The following DNAH5 variants were observed in gnomAD, a reference collection of about 807,000 sequenced individuals.
DNAH5 encodes the protein dynein axonemal heavy chain 5.
Under a neutral mutation model 518.2 loss-of-function variants are expected in DNAH5, and 372 were observed. The observed-to-expected ratio is 0.72, with a 90% confidence interval of 0.66 to 0.78. DNAH5 has a LOEUF of 0.78. Among genes scored for constraint, DNAH5 ranks in the 30% least tolerant of loss-of-function variants. The pLI is 0.00. For synonymous variants in DNAH5, 2,039 were observed against 2,025.9 expected, an observed-to-expected ratio of 1.01 and a Z score of -0.17; for missense variants, 5,523 against 5,687.0, an observed-to-expected ratio of 0.97 and a Z score of 0.93.
At chr5:13,757,298 T>C (rs1751134123) in intron 61 of DNAH5, among the ~76,000 whole-genome samples, 1 of 152,242 alleles carries the variant, frequency 6.6e-6, no homozygotes, top group African/African-American at 2.4e-5. Context: ...ACCAGAATGG[T>C]TGAACTAACT....
chr5:14,005,033 G>A (rs1470308122), intron 1 of DNAH5, among the ~76,000 whole-genome samples: 1 of 152,048 alleles, frequency 6.6e-6, no homozygotes, highest in Non-Finnish European at 1.5e-5. Flanking sequence ...CTCAGCACAC[G>A]AGCCTCTTCA....
In DNAH5 at chr5:13,867,829, C is replaced by G; in HGVS notation, c.3998G>C (p.Ser1333Thr). Residue 1333 changes from serine to threonine, a missense_variant, in exon 25 of 79, where the codon AGT (serine) becomes ACT (threonine). By Grantham distance (58) the Ser-to-Thr change is moderately conservative. Coordinates refer to ENST00000265104, the MANE Select transcript of DNAH5 (RefSeq NM_001369.3). The stretch of plus-strand genomic sequence containing the variant: ...ATCTTGGAGGAATACCTCCACAGCA[C>G]TAATAAGCTCTTTCTTGAAACTGGG... ...LQPSFKKELISAVEVFLQDCH... is the reference protein window; with the variant it reads ...LQPSFKKELITAVEVFLQDCH... The G allele has an allele frequency of 6.2e-7, 1 of 1,614,082 alleles. No individual in the cohort carries two copies. The highest frequency in any genetic ancestry group is 8.5e-7 in the Non-Finnish European group (1 of 1,179,980).
At chr5:13,813,564 A>G (rs985795346) in intron 43 of DNAH5, among the ~76,000 whole-genome samples, 1 of 151,830 alleles carries the variant, frequency 6.6e-6, no homozygotes, top group Non-Finnish European at 1.5e-5. Context: ...ATTAGTGATT[A>G]CTTTTGCAAA....
chr5:13,701,011 C>A, intron 77 of DNAH5, 140 bp from the exon 78 acceptor site: 1 of 1,000,644 alleles, frequency 1.0e-6, no homozygotes, highest in Admixed American at 2.1e-5. Flanking sequence ...GCAAGATTCC[C>A]TCATTAAAAA....
intron 1 of DNAH5, among the ~76,000 whole-genome samples, chr5:13,979,595 G>A (rs1306683587): frequency 1.3e-5 from 2 of 152,040 alleles, no homozygotes; most frequent in Non-Finnish European, 2.9e-5. Flanking sequence ...TCTAAACAAT[G>A]GTTTCTATGA....
At chr5:13,780,483 T>G (rs1323084704) in intron 53 of DNAH5, among the ~76,000 whole-genome samples, 1 of 152,226 alleles carries the variant, frequency 6.6e-6, no homozygotes, top group Non-Finnish European at 1.5e-5. Flanking sequence ...TCTTCATCTA[T>G]TTTTCCATTG....
Position 13,776,459 on chromosome 5 carries a change from G to T in DNAH5, c.9353C>A (p.Pro3118His). 6.2e-7 allele frequency: 1 copy of T among 1,613,732 alleles called. No homozygotes were observed. The highest frequency in any genetic ancestry group is 8.5e-7 in the Non-Finnish European group (1 of 1,179,722). Residue 3118 changes from proline (P) to histidine (H), a missense_variant, in exon 55 of 79, where the codon CCC becomes CAC. Coordinates refer to ENST00000265104, the MANE Select transcript of DNAH5 (RefSeq NM_001369.3). ...CTAACCAGCAACTAAAGCATCTTTGGGCCATCGGCTGAACCAGTCAATTGT... is the reference window on the plus strand; with the variant it reads ...CTAACCAGCAACTAAAGCATCTTTGTGCCATCGGCTGAACCAGTCAATTGT... The part of the protein sequence containing the change: ...GCTIDWFSRW[P>H]KDALVAVSEH...
intron 35 of DNAH5, among the ~76,000 whole-genome samples, chr5:13,834,509 ATT>A (rs1180563017): frequency 6.6e-6 from 1 of 152,202 alleles, no homozygotes; most frequent in Non-Finnish European, 1.5e-5. Flanking sequence ...TTCAAGAACT[ATT>A]TATTTAGCAT....
chr5:13,951,043 T>C (rs1447662910), intron 1 of DNAH5, among the ~76,000 whole-genome samples: 1 of 152,132 alleles, frequency 6.6e-6, no homozygotes, highest in Non-Finnish European at 1.5e-5. Flanking sequence ...TCTTGCTTTA[T>C]GAAAGCATTA....
intron 68 of DNAH5, 104 bp downstream of exon 68, chr5:13,735,027 A>G (rs1006054304): frequency 1.7e-5 from 17 of 998,828 alleles, no homozygotes; most frequent in Non-Finnish European, 2.5e-5. Context: ...GCAGTCTTAC[A>G]TAATGCAAGG....
chr5:14,000,788 C>A (rs1784299211), intron 1 of DNAH5, among the ~76,000 whole-genome samples: 1 of 152,170 alleles, frequency 6.6e-6, no homozygotes, highest in Non-Finnish European at 1.5e-5. Context: ...AATCCCGTTA[C>A]TGAGTACATA....
chr5:13,741,972 A>G (rs1748615331), intron 65 of DNAH5, among the ~76,000 whole-genome samples: 1 of 152,130 alleles, frequency 6.6e-6, no homozygotes, highest in Non-Finnish European at 1.5e-5. Context: ...CTGGATTATG[A>G]TAACTGCTCA....
At chr5:13,697,794 T>C (rs1435507688) in intron 78 of DNAH5, among the ~76,000 whole-genome samples, 1 of 152,188 alleles carries the variant, frequency 6.6e-6, no homozygotes, top group East Asian at 1.9e-4. Context: ...GACTTTCCAC[T>C]CTTGCCTCTG....
intron 1 of DNAH5, among the ~76,000 whole-genome samples, chr5:14,002,254 A>G (rs893423885): frequency 3.9e-5 from 6 of 152,176 alleles, no homozygotes; most frequent in African/African-American, 1.4e-4. Context: ...GTTAGAAAAA[A>G]CAATTCAGAT....
chr5:13,722,430 G>A (rs1745177265), intron 70 of DNAH5, among the ~76,000 whole-genome samples: 1 of 152,192 alleles, frequency 6.6e-6, no homozygotes, highest in African/African-American at 2.4e-5. Context: ...GCCCTCTTTT[G>A]TGGGTTACAA....
chr5:13,949,449 G>T (rs1780196871), upstream of DNAH5, among the ~76,000 whole-genome samples: 1 of 152,172 alleles, frequency 6.6e-6, no homozygotes, highest in African/African-American at 2.4e-5. Context: ...AGCTTCAAAT[G>T]GAGTGATATG....
In DNAH5 at chr5:13,829,513, C is replaced by T; in HGVS notation, c.6441G>A (p.Lys2147=). ...LYKLCEEQLS[K]QVHYDFGLRN... The stretch of plus-strand genomic sequence containing the variant: ...TAAGACCTCCAGGATGACACACCTG[C>T]TTAGAAAGCTGCTCCTCACACAGTT... The change falls in exon 38 of 79, where the codon AAG becomes AAA. Residue 2147 remains lysine (K), a synonymous_variant. Coordinates refer to ENST00000265104, the MANE Select transcript of DNAH5 (RefSeq NM_001369.3). 6.2e-7 allele frequency: 1 copy of T among 1,614,122 alleles called. No individual in the cohort carries two copies. The highest frequency in any genetic ancestry group is 8.5e-7 in the Non-Finnish European group (1 of 1,180,002).
At chr5:13,810,869 T>C (rs1169873999) in intron 44 of DNAH5, among the ~76,000 whole-genome samples, 1 of 152,086 alleles carries the variant, frequency 6.6e-6, no homozygotes, top group Non-Finnish European at 1.5e-5. Flanking sequence ...AGAAAAGTGC[T>C]ACATACACAC....
rs1778387721 is a variant in DNAH5, at chr5:13,931,249, A to T, written c.58-5T>A. 3.7e-6 allele frequency: 6 copies of T among 1,614,090 alleles called. No individual in the cohort carries two copies. In the East Asian group the frequency reaches 1.3e-4, roughly 36 times the overall value. On this transcript the variant is annotated splice_region_variant and splice_polypyrimidine_tract_variant and intron_variant, in intron 1 of 78. Coordinates refer to ENST00000265104, the MANE Select transcript of DNAH5 (RefSeq NM_001369.3). ...CTTCTCTCCCTTCAGTCTTTGCTAA[A>T]AGAAAAGAATAAAAATGTTACATGG...
Sources: gnomAD v4.1 joint callset for allele counts (sites outside exome capture counted in the v4.1 genomes callset) on GRCh38, gnomAD v4.1.1 for gene constraint, MANE v1.5 for transcripts, NCBI Gene and HGNC (gene_info 2026-07-23, HGNC 2026-07-21) for gene names.